Variants in CDH2 observed in about 807,000 individuals in gnomAD.
CDH2 encodes cadherin-2.
In CDH2, 17 loss-of-function variants were observed where a neutral mutation model predicts 92.0. The ratio of observed to expected loss-of-function variants is 0.18; its 90% confidence interval spans 0.13 to 0.28. The LOEUF is 0.28. CDH2 is among the 10% of genes least tolerant of loss of function. CDH2 has a pLI of 1.00. For synonymous variants in CDH2, 419 were observed against 415.9 expected, an observed-to-expected ratio of 1.01 and a Z score of -0.09; for missense variants, 862 against 1,133.1, an observed-to-expected ratio of 0.76 and a Z score of 3.44.
intron 1 of CDH2, among the ~76,000 whole-genome samples, chr18:28,170,093 G>A (rs929592487): frequency 6.6e-6 from 1 of 152,180 alleles, no homozygotes; most frequent in Non-Finnish European, 1.5e-5. Flanking sequence ...ATGTCAGCAT[G>A]GAAACGTATC....
chr18:28,072,613 A>G (rs1376922422), intron 2 of CDH2, among the ~76,000 whole-genome samples: 1 of 152,256 alleles, frequency 6.6e-6, no homozygotes, highest in Non-Finnish European at 1.5e-5. Flanking sequence ...AGGTTAGAAC[A>G]TCATGTCCAA....
At chr18:28,117,782 T>C (rs1176314230) in intron 2 of CDH2, among the ~76,000 whole-genome samples, 1 of 151,928 alleles carries the variant, frequency 6.6e-6, no homozygotes, top group Non-Finnish European at 1.5e-5. Context: ...GACGAGAAAA[T>C]GGCACCCAGA....
rs17521819 is a variant in CDH2 at position 27,936,553 on chromosome 18, A to G, written c.1152-3429T>C. ...CCCTCCCTTTTGTTTTCTCCAAGAC[A>G]GAATCTCACTCTGTCACCCAGCCCA... On this transcript the variant is annotated intron_variant, in intron 6 of 6. Coordinates refer to the CDH2 transcript ENST00000675173. Among the ~76,000 whole-genome samples, 551 of 152,180 alleles carry G rather than the reference A, an allele frequency of 3.6e-3. 6 individuals are homozygous for G. Among genetic ancestry groups the G allele is most frequent in the African/African-American group, 0.013 (534 of 41,502 alleles).
At chr18:27,957,777 C>G (rs1215017351) in intron 15 of CDH2, among the ~76,000 whole-genome samples, 1 of 152,138 alleles carries the variant, frequency 6.6e-6, no homozygotes, top group Non-Finnish European at 1.5e-5. Context: ...AGATTTAAGA[C>G]ATATGTGGAT....
chr18:28,128,467 C>T (rs964281082), intron 2 of CDH2, among the ~76,000 whole-genome samples: 2 of 152,012 alleles, frequency 1.3e-5, no homozygotes, highest in African/African-American at 2.4e-5. Context: ...CCTCAGCAGG[C>T]GGATCTCAGA....
chr18:28,056,146 A>G (rs962295978), intron 2 of CDH2, among the ~76,000 whole-genome samples: 5 of 152,104 alleles, frequency 3.3e-5, no homozygotes, highest in Non-Finnish European at 7.4e-5. Flanking sequence ...ATGAGAAAGA[A>G]GTATAAGGCC....
At chr18:27,997,181 C>T (rs544183806) in intron 7 of CDH2, among the ~76,000 whole-genome samples, 2 of 152,344 alleles carry the variant, frequency 1.3e-5, no homozygotes, top group Admixed American at 6.5e-5. Flanking sequence ...AGAGGCTTCT[C>T]AGCATTTACC....
chr18:28,014,528 T>C (rs557599442), intron 2 of CDH2, among the ~76,000 whole-genome samples: 7 of 152,284 alleles, frequency 4.6e-5, no homozygotes, highest in African/African-American at 1.7e-4. Context: ...CTTATGGTAA[T>C]TAACAGGTAA....
intron 2 of CDH2, among the ~76,000 whole-genome samples, chr18:28,131,987 C>T (rs373486903): frequency 2.6e-5 from 4 of 152,138 alleles, no homozygotes; most frequent in Admixed American, 6.5e-5. Context: ...TTGGGAATAC[C>T]GGGCAAATGT....
chr18:28,104,759 G>C (rs900419526), intron 2 of CDH2, among the ~76,000 whole-genome samples: 3 of 151,030 alleles, frequency 2.0e-5, no homozygotes, highest in African/African-American at 7.3e-5. Flanking sequence ...TATCTAGATA[G>C]ATATATGTTC....
chr18:28,001,909 T>C (rs1033947994), intron 7 of CDH2, among the ~76,000 whole-genome samples: 1 of 152,252 alleles, frequency 6.6e-6, no homozygotes, highest in East Asian at 1.9e-4. Context: ...TCCTTGTCAA[T>C]GATATTTTAT....
At chr18:28,103,359 A>T (rs2015263775) in intron 2 of CDH2, among the ~76,000 whole-genome samples, 1 of 146,642 alleles carries the variant, frequency 6.8e-6, no homozygotes, top group Admixed American at 6.9e-5. Flanking sequence ...TATATATATA[A>T]AATACATATA....
chr18:28,127,030 G>T (rs11564383), intron 2 of CDH2, among the ~76,000 whole-genome samples: 6,961 of 152,218 alleles, frequency 0.046, 237 homozygotes, highest in Middle Eastern at 0.082. Flanking sequence ...GGCCAGGCAG[G>T]TGGACTTCCT....
At chr18:28,171,499 A>G (rs1028159850) in intron 1 of CDH2, among the ~76,000 whole-genome samples, 1 of 152,114 alleles carries the variant, frequency 6.6e-6, no homozygotes, top group Non-Finnish European at 1.5e-5. Flanking sequence ...CCCCTCCCCA[A>G]AATTGTTTAC....
intron 2 of CDH2, among the ~76,000 whole-genome samples, chr18:28,089,885 T>C (rs192089721): frequency 1.2e-3 from 190 of 152,282 alleles, no homozygotes; most frequent in Non-Finnish European, 1.9e-3. Flanking sequence ...CCTGTCCTGA[T>C]AGAGCTCTCC....
chr18:28,173,381 A>C (rs1286986722), intron 1 of CDH2, among the ~76,000 whole-genome samples: 1 of 152,180 alleles, frequency 6.6e-6, no homozygotes, highest in Non-Finnish European at 1.5e-5. Flanking sequence ...CTGAACACCA[A>C]GTTAACTCTT....
rs1291687217 is a variant in CDH2 at position 27,985,582 on chromosome 18, G to C, written c.1921C>G (p.Leu641Val). ...TTAATAGTCACTGGAGATAAAGGAA[G>C]ATCAAAAGCAAATGGTCCAGCATTT... The part of the protein sequence containing the change: ...DPNAGPFAFD[L>V]PLSPVTIKRN... The change falls in exon 12 of 16, where the codon CTT becomes GTT. Residue 641 changes from leucine (L) to valine (V), a missense_variant. Leu to Val is a conservative substitution (Grantham distance 32). Around this residue, in one of 5 missense-constraint regions of CDH2, gnomAD observed 564 missense variants for 722.2 expected, o/e 0.78. Transcript: ENST00000269141. 2 of 1,613,780 alleles carry C rather than the reference G, an allele frequency of 1.2e-6. No homozygotes were observed. The highest frequency in any genetic ancestry group is 4.5e-5 in the East Asian group (2 of 44,870).
chr18:28,043,889 G>GTTTTTTT (rs1298359943), intron 2 of CDH2, among the ~76,000 whole-genome samples: 2 of 78,242 alleles, frequency 2.6e-5, no homozygotes, highest in Non-Finnish European at 5.5e-5. Flanking sequence ...CAGAATCTCG[G>GTTTTTTT]ATTTTTTTTT....
At position 28,055,756 on chromosome 18, in the gene CDH2, C is replaced by T. The variant is rs548687312; in HGVS notation, c.173-41847G>A. 4.6e-5 allele frequency among the ~76,000 whole-genome samples: 7 copies of T among 152,148 alleles called. 1 individual carries two copies. Among genetic ancestry groups the T allele is most frequent in the African/African-American group, 9.6e-5 (4 of 41,510 alleles). On this transcript the variant is annotated intron_variant, in intron 2 of 15. Coordinates refer to ENST00000269141, the MANE Select transcript of CDH2 (RefSeq NM_001792.5). ...GAAACTAACTGCTATATATATACTT[C>T]GGCATCCTGTTTTTGTATGGTGCAA...
Sources: gnomAD v4.1 joint callset for allele counts (sites outside exome capture counted in the v4.1 genomes callset) on GRCh38, gnomAD v4.1.1 for gene constraint, gnomAD v4.1.1 regional missense constraint, MANE v1.5 for transcripts, NCBI Gene and HGNC (gene_info 2026-07-23, HGNC 2026-07-21) for gene names.